Variants in MACROD2 observed in about 807,000 individuals in gnomAD.
The protein encoded by MACROD2 is ADP-ribose glycohydrolase MACROD2.
In MACROD2, 36 loss-of-function variants were observed where a neutral mutation model predicts 70.4. The ratio of observed to expected loss-of-function variants is 0.51; its 90% CI spans 0.39 to 0.68. The LOEUF (loss-of-function observed/expected upper bound fraction) is 0.68, where lower values mean the gene tolerates loss of function less well. Ranked by LOEUF, MACROD2 falls within the 30% of genes least tolerant of loss-of-function variation. The pLI is 0.00. For synonymous variants in MACROD2, 172 were observed against 178.8 expected (o/e 0.96, Z 0.30); for missense variants, 496 against 538.4 (o/e 0.92, Z 0.78).
intron 3 of MACROD2, among the ~76,000 whole-genome samples, chr20:14,322,437 C>G (rs2082672792): frequency 7.4e-6 from 1 of 135,652 alleles, no homozygotes; most frequent in Non-Finnish European, 1.6e-5. Flanking sequence ...TTATAAACTA[C>G]AGGTTTACAG....
intron 5 of MACROD2, among the ~76,000 whole-genome samples, chr20:15,048,383 C>G (rs1246255473): frequency 6.6e-6 from 1 of 151,928 alleles, no homozygotes; most frequent in Non-Finnish European, 1.5e-5. Flanking sequence ...GACAGATACA[C>G]TTGGTGTGAT....
intron 3 of MACROD2, among the ~76,000 whole-genome samples, chr20:14,188,604 A>C (rs2081362396): frequency 6.6e-6 from 1 of 152,114 alleles, no homozygotes; most frequent in African/African-American, 2.4e-5. Flanking sequence ...GTTTCCCCAC[A>C]TGGAAACTCC....
At chr20:14,605,893 G>A (rs1982768770) in intron 4 of MACROD2, among the ~76,000 whole-genome samples, 1 of 152,022 alleles carries the variant, frequency 6.6e-6, no homozygotes, top group African/African-American at 2.4e-5. Context: ...GTTAGGAAAT[G>A]CAGATTATAA....
chr20:15,167,111 A>G (rs759299542), intron 5 of MACROD2, among the ~76,000 whole-genome samples: 1 of 152,080 alleles, frequency 6.6e-6, no homozygotes, highest in Non-Finnish European at 1.5e-5. Flanking sequence ...AATTATTAAG[A>G]AAGTTCAACA....
In MACROD2 at chr20:15,942,777, T is replaced by C. The variant is rs535365778; in HGVS notation, c.907+5233T>C. 2.0e-5 allele frequency among the ~76,000 whole-genome samples: 3 copies of C among 152,334 alleles called. 1 individual carries two copies. The South Asian group carries it at 6.2e-4, about 32-fold the overall frequency. ...TTTTCAACACTTCCAATAGCTCATT[T>C]TCACCTAGAGCCAAGGCTAAGGCAG... is the stretch of plus-strand genomic sequence containing the variant. On this transcript the variant is annotated intron_variant, in intron 12 of 17. Coordinates refer to ENST00000684519, the MANE Select transcript of MACROD2 (RefSeq NM_001351661.2).
At chr20:16,033,231 G>T (rs537086452) in intron 15 of MACROD2, among the ~76,000 whole-genome samples, 4 of 152,134 alleles carry the variant, frequency 2.6e-5, no homozygotes, top group Admixed American at 2.6e-4. Flanking sequence ...TTTTATTTTT[G>T]ATACTTATTT....
At chr20:14,262,738 C>T (rs904848360) in intron 3 of MACROD2, among the ~76,000 whole-genome samples, 2 of 152,040 alleles carry the variant, frequency 1.3e-5, no homozygotes, top group African/African-American at 2.4e-5. Flanking sequence ...AAGGCCTGCT[C>T]AATAATCAAC....
chr20:15,960,126 T>A (rs1179142539), intron 12 of MACROD2, among the ~76,000 whole-genome samples: 1 of 152,190 alleles, frequency 6.6e-6, no homozygotes, highest in Non-Finnish European at 1.5e-5. Context: ...AGCTGATCAA[T>A]TCCTTTCACA....
At chr20:15,637,941 C>T (rs1438343546) in intron 8 of MACROD2, among the ~76,000 whole-genome samples, 1 of 152,184 alleles carries the variant, frequency 6.6e-6, no homozygotes, top group East Asian at 1.9e-4. Context: ...GGTTGTTTCT[C>T]TGTTGGGTGT....
intron 3 of MACROD2, among the ~76,000 whole-genome samples, chr20:14,106,904 G>C (rs2054377214): frequency 6.6e-6 from 1 of 152,146 alleles, no homozygotes; most frequent in Non-Finnish European, 1.5e-5. Context: ...TGAATACCTG[G>C]AAAGTCTTTC....
intron 2 of MACROD2, among the ~76,000 whole-genome samples, chr20:14,034,196 G>A (rs528796230): frequency 6.6e-5 from 10 of 152,010 alleles, no homozygotes; most frequent in Admixed American, 1.3e-4. Flanking sequence ...GGATGGCTAC[G>A]ATCTCCTGAC....
At chr20:15,929,527 G>A (rs2065542234) in intron 10 of MACROD2, among the ~76,000 whole-genome samples, 1 of 152,100 alleles carries the variant, frequency 6.6e-6, no homozygotes. Flanking sequence ...GTTTTGAATT[G>A]TCCGTAGTCT....
chr20:14,021,999 T>C (rs2053089409), intron 2 of MACROD2, among the ~76,000 whole-genome samples: 1 of 152,198 alleles, frequency 6.6e-6, no homozygotes, highest in African/African-American at 2.4e-5. Context: ...TTGACTTACA[T>C]GTCTTGGGCT....
intron 6 of MACROD2, among the ~76,000 whole-genome samples, chr20:15,329,805 G>T (rs1600249236): frequency 1.3e-5 from 2 of 151,952 alleles, no homozygotes; most frequent in African/African-American, 4.8e-5. Flanking sequence ...AAACAGAAAC[G>T]CTGATGGCAA....
chr20:15,300,208 G>C (rs1325077342), intron 6 of MACROD2, among the ~76,000 whole-genome samples: 1 of 152,044 alleles, frequency 6.6e-6, no homozygotes, highest in South Asian at 2.1e-4. Context: ...TCTCCATAGA[G>C]AGTTTTAGTT....
At chr20:14,536,496 T>A (rs1455103221) in intron 4 of MACROD2, among the ~76,000 whole-genome samples, 2 of 152,186 alleles carry the variant, frequency 1.3e-5, no homozygotes, top group Non-Finnish European at 2.9e-5. Context: ...TTGAGGACAG[T>A]TCATCTTTAT....
intron 10 of MACROD2, among the ~76,000 whole-genome samples, chr20:15,887,152 A>G (rs763147545): frequency 6.6e-6 from 1 of 152,120 alleles, no homozygotes; most frequent in Non-Finnish European, 1.5e-5. Flanking sequence ...CTCAATACAT[A>G]AGGTTTGATC....
intron 8 of MACROD2, among the ~76,000 whole-genome samples, chr20:15,525,387 G>C (rs2047708564): frequency 6.6e-6 from 1 of 152,174 alleles, no homozygotes; most frequent in African/African-American, 2.4e-5. Flanking sequence ...GTTAAGCCCT[G>C]GGTAGGATAA....
At chr20:14,952,625 C>CTT (rs1294861198) in intron 5 of MACROD2, among the ~76,000 whole-genome samples, 3 of 152,030 alleles carry the variant, frequency 2.0e-5, no homozygotes, top group Non-Finnish European at 4.4e-5. Flanking sequence ...TTCTTGCTTA[C>CTT]TTTTATAATC....
Sources: allele counts gnomAD v4.1 joint callset (sites outside exome capture counted in the v4.1 genomes callset), GRCh38; gene constraint gnomAD v4.1.1; transcripts MANE v1.5; gene names NCBI Gene and HGNC (gene_info 2026-07-23, HGNC 2026-07-21).